The following EEA1 variants were observed in gnomAD, a reference collection of about 807,000 sequenced individuals.
EEA1 encodes early endosome antigen 1, 162kD.
A neutral mutation model predicts 209.2 loss-of-function variants in EEA1; 111 were observed. That is an observed-to-expected ratio of 0.53 (90% CI 0.45 to 0.62). The LOEUF (loss-of-function observed/expected upper bound fraction) is 0.62, where lower values mean the gene tolerates loss of function less well. Among genes scored for constraint, EEA1 ranks in the 20% least tolerant of loss-of-function variants. EEA1 has a pLI of 0.00. For missense variants in EEA1, 1,343 were observed against 1,530.8 expected (o/e 0.88, Z 2.05); for synonymous variants, 536 against 540.6 (o/e 0.99, Z 0.12).
intron 20 of EEA1, among the ~76,000 whole-genome samples, chr12:92,800,712 A>C (rs1482877702): frequency 6.6e-6 from 1 of 152,200 alleles, no homozygotes; most frequent in African/African-American, 2.4e-5. Context: ...TAACTCTATC[A>C]CATAGATTCA....
chr12:92,781,864 C>T (rs1873917180), intron 23 of EEA1, 86 bp downstream of exon 23: 1 of 1,240,170 alleles, frequency 8.1e-7, no homozygotes, highest in Non-Finnish European at 1.1e-6. Context: ...AGGATGATGC[C>T]TGTACTAAAT....
chr12:92,792,003 C>G (rs1181363586), intron 21 of EEA1, among the ~76,000 whole-genome samples: 1 of 152,182 alleles, frequency 6.6e-6, no homozygotes, highest in Non-Finnish European at 1.5e-5. Context: ...GAAAACTGAA[C>G]AACTTGCTCC....
rs1221516667 is a variant in EEA1, at chr12:92,814,442, AT to A, written c.1930-1350del. 6.6e-5 allele frequency among the ~76,000 whole-genome samples: 10 copies of A among 152,322 alleles called. No individual in the cohort carries two copies. In the East Asian group the frequency reaches 1.9e-3, roughly 29 times the overall value. On this transcript the variant is annotated intron_variant, in intron 15 of 28. Coordinates refer to ENST00000322349, the MANE Select transcript of EEA1 (RefSeq NM_003566.4). ...CTGAGGAACCAAAAACTCATGAAAT[AT>A]TTTAACATATGATAATCACTCATGA...
chr12:92,874,254 C>T (rs1159672250), intron 2 of EEA1, among the ~76,000 whole-genome samples: 3 of 151,866 alleles, frequency 2.0e-5, no homozygotes, highest in Admixed American at 1.3e-4. Context: ...CCAGGAGGTC[C>T]GGGCTGCGGT....
intron 10 of EEA1, among the ~76,000 whole-genome samples, chr12:92,841,708 T>C (rs1179234907): frequency 3.3e-5 from 5 of 152,064 alleles, no homozygotes; most frequent in Non-Finnish European, 7.4e-5. Context: ...AGATGGCTAC[T>C]CTCAAAAAAG....
Position 92,811,289 on chromosome 12 carries a change from C to A in EEA1, c.2189G>T (p.Gly730Val). 2 of 1,551,718 alleles carry A rather than the reference C, an allele frequency of 1.3e-6. No individual in the cohort carries two copies. Among genetic ancestry groups the A allele is most frequent in the Non-Finnish European group, 1.7e-6 (2 of 1,153,430 alleles). Reference protein sequence around the residue: ...SLEQKTEELEGQIKKLEADSL... With the variant: ...SLEQKTEELEVQIKKLEADSL... ...TTCTTTTATACAAACCTTAATTTGA[C>A]CTTCTAGCTCTTCGGTTTTCTGTTC... Residue 730 changes from glycine to valine, a missense_variant, in exon 17 of 29, where the codon GGT becomes GTT. Around this residue, in one of 3 missense-constraint regions of EEA1, gnomAD observed 1,307 missense variants for 1,465.5 expected, o/e 0.89. Transcript: ENST00000322349.
At chr12:92,842,642 A>T (rs1877219051) in intron 9 of EEA1, 61 bp from the exon 10 acceptor site, 4 of 1,045,106 alleles carry the variant, frequency 3.8e-6, no homozygotes, top group East Asian at 2.7e-5. Context: ...GATAAAAAAA[A>T]TGAAAGTATA....
intron 2 of EEA1, chr12:92,879,495 G>A (rs941375451): frequency 3.8e-6 from 1 of 262,058 alleles, no homozygotes. Context: ...CATCTCAATA[G>A]ATGTGGGAAA....
At chr12:92,776,614 G>T (rs1873665122) in intron 28 of EEA1, among the ~76,000 whole-genome samples, 1 of 151,828 alleles carries the variant, frequency 6.6e-6, no homozygotes, top group South Asian at 2.1e-4. Flanking sequence ...GAAAATGATT[G>T]TCCCAGACAG....
chr12:92,899,047 C>T (rs553644625), intron 1 of EEA1, among the ~76,000 whole-genome samples: 1 of 149,728 alleles, frequency 6.7e-6, no homozygotes, highest in South Asian at 2.1e-4. Flanking sequence ...CACACCAAGG[C>T]TTATCCAAAA....
At chr12:92,793,121 G>T (rs61148422) in intron 21 of EEA1, among the ~76,000 whole-genome samples, 2,830 of 152,204 alleles carry the variant, frequency 0.019, 96 homozygotes, top group African/African-American at 0.063. Flanking sequence ...GATATTGAGG[G>T]AACGTATCTC....
intron 2 of EEA1, among the ~76,000 whole-genome samples, chr12:92,876,950 T>TG (rs1565846246): frequency 6.6e-6 from 1 of 150,714 alleles, no homozygotes; most frequent in African/African-American, 2.4e-5. Context: ...GTTGTTTTTT[T>TG]TTTTTGTTTT....
rs746059754 is a variant in EEA1 at position 92,777,647 on chromosome 12, C to G, written c.3910G>C (p.Gly1304Arg). The part of the protein sequence containing the change: ...ALLERCLKGE[G>R]EIEKLQTKVL... ...TTGGTTTGAAGCTTTTCTATTTCACCTTCTCCTTTAAGACATCTGGAATAG... is the reference window on the plus strand; with the variant it reads ...TTGGTTTGAAGCTTTTCTATTTCACGTTCTCCTTTAAGACATCTGGAATAG... Residue 1304 changes from glycine (G) to arginine (R), a missense_variant, in exon 27 of 29, where the codon GGT becomes CGT. Physicochemically the swap from Gly to Arg is moderately radical, Grantham distance 125 (BLOSUM62 -2). Coordinates refer to ENST00000322349, the MANE Select transcript of EEA1 (RefSeq NM_003566.4). 3.1e-6 allele frequency: 5 copies of G among 1,611,424 alleles called. No homozygotes were observed. The highest frequency in any genetic ancestry group is 2.2e-5 in the South Asian group (2 of 90,940).
chr12:92,782,200 G>A, intron 22 of EEA1, 65 bp from the exon 23 acceptor site: 1 of 1,319,626 alleles, frequency 7.6e-7, no homozygotes, highest in South Asian at 1.4e-5. Flanking sequence ...CAGAAACATA[G>A]TTAATATAAA....
At chr12:92,840,339 A>C (rs151179388) in intron 10 of EEA1, among the ~76,000 whole-genome samples, 1 of 152,224 alleles carries the variant, frequency 6.6e-6, no homozygotes, top group East Asian at 1.9e-4. Flanking sequence ...TTGAGATGGA[A>C]TCTCACTCTG....
intron 3 of EEA1, among the ~76,000 whole-genome samples, chr12:92,861,856 G>A (rs999490880): frequency 1.3e-5 from 2 of 151,986 alleles, no homozygotes; most frequent in Admixed American, 6.6e-5. Context: ...GAAAAAAAGA[G>A]GCTAGGGAAA....
chr12:92,840,523 G>A (rs948256564), intron 10 of EEA1, among the ~76,000 whole-genome samples: 2 of 152,162 alleles, frequency 1.3e-5, no homozygotes, highest in Non-Finnish European at 2.9e-5. Context: ...TGTTGGCCAG[G>A]CTGGTCTCAA....
At chr12:92,807,211 C>T (rs1875254625) in intron 18 of EEA1, among the ~76,000 whole-genome samples, 1 of 152,070 alleles carries the variant, frequency 6.6e-6, no homozygotes. Flanking sequence ...GCCTCAGCCT[C>T]CCAAATTTCT....
At chr12:92,790,278 T>A (rs1487040573) in intron 21 of EEA1, among the ~76,000 whole-genome samples, 1 of 152,222 alleles carries the variant, frequency 6.6e-6, no homozygotes, top group Non-Finnish European at 1.5e-5. Context: ...GGATGGAGAA[T>A]AACTTTGACG....
Sources: allele counts gnomAD v4.1 joint callset (sites outside exome capture counted in the v4.1 genomes callset), GRCh38; gene constraint gnomAD v4.1.1; regional missense constraint gnomAD v4.1.1; transcripts MANE v1.5; gene names NCBI Gene and HGNC (gene_info 2026-07-23, HGNC 2026-07-21).